The following COL28A1 variants were observed in gnomAD, a reference collection of about 807,000 sequenced individuals.
COL28A1 encodes the protein collagen type XXVIII alpha 1 chain.
A neutral mutation model predicts 150.2 loss-of-function variants in COL28A1; 161 were observed. The observed-to-expected ratio is 1.07, with a 90% CI of 0.94 to 1.22. COL28A1 has a LOEUF of 1.22. Ranked by LOEUF, COL28A1 falls within the 50% of genes most tolerant of loss-of-function variation. COL28A1 has a pLI of 0.00. For missense variants in COL28A1, 1,617 were observed against 1,388.3 expected (o/e 1.16, Z -2.62); for synonymous variants, 552 against 469.7 (o/e 1.18, Z -2.26).
intron 11 of COL28A1, among the ~76,000 whole-genome samples, chr7:7,500,178 T>C (rs1780441488): frequency 6.6e-6 from 1 of 152,204 alleles, no homozygotes; most frequent in Admixed American, 6.5e-5. Flanking sequence ...CCTTGACCCT[T>C]CTACTGAAAT....
In COL28A1 at chr7:7,427,608, C is replaced by A. The variant is rs75135489; in HGVS notation, c.1998+4865G>T. Reference sequence around the variant, plus strand: ...AGAGAACAGAGGGGCAATTCAGATGCTGGGAACATTTTTAGAATAATGATA... The same window carrying A: ...AGAGAACAGAGGGGCAATTCAGATGATGGGAACATTTTTAGAATAATGATA... On this transcript the variant is annotated intron_variant, in intron 25 of 34. Coordinates refer to ENST00000399429, the MANE Select transcript of COL28A1 (RefSeq NM_001037763.3). Among the ~76,000 whole-genome samples, 10 of 152,258 alleles carry A rather than the reference C, an allele frequency of 6.6e-5. No individual in the cohort carries two copies. In the East Asian group the frequency reaches 1.7e-3, roughly 26 times the overall value.
Position 7,374,038 on chromosome 7 carries a change from A to AATAT in COL28A1, c.2360-496_2360-493dup, listed in dbSNP as rs60964603. ...TACTTGACTCTTAAAAAAAAAAAAAAATATATATATATATATATATATACT... is the reference window on the plus strand; with the variant it reads ...TACTTGACTCTTAAAAAAAAAAAAAAATATATATATATATATATATATATATACT... On this transcript the variant is annotated intron_variant, in intron 31 of 34. Coordinates refer to ENST00000399429, the MANE Select transcript of COL28A1 (RefSeq NM_001037763.3). 2.9e-3 allele frequency among the ~76,000 whole-genome samples: 324 copies of AATAT among 113,592 alleles called. 2 individuals carry two copies. Among genetic ancestry groups the AATAT allele is most frequent in the South Asian group, 7.4e-3 (23 of 3,094 alleles). The allele number at this position is 113,592 out of a possible 152,430, so 74.5% of individuals were successfully genotyped here.
At chr7:7,357,288 G>C (rs973931476), downstream of COL28A1, among the ~76,000 whole-genome samples, 1 of 152,128 alleles carries the variant, frequency 6.6e-6, no homozygotes, top group African/African-American at 2.4e-5. Context: ...GACCTCAGGT[G>C]ATCCACCCAC....
At chr7:7,450,268 C>A (rs558184994) in intron 18 of COL28A1, among the ~76,000 whole-genome samples, 2 of 152,092 alleles carry the variant, frequency 1.3e-5, no homozygotes, top group South Asian at 4.2e-4. Context: ...AAATAAATTC[C>A]ATGTGGGTTA....
At chr7:7,362,963 C>T (rs543901555) in intron 33 of COL28A1, among the ~76,000 whole-genome samples, 5 of 152,114 alleles carry the variant, frequency 3.3e-5, no homozygotes, top group Non-Finnish European at 7.4e-5. Flanking sequence ...CTGAGCTCAG[C>T]ACCGAGTCCC....
the COL28A1 span, among the ~76,000 whole-genome samples, chr7:7,543,793 A>G: frequency 6.6e-6 from 1 of 151,144 alleles, no homozygotes. Context: ...ACAACATTTA[A>G]TAATATCTGC....
At position 7,477,553 on chromosome 7, in the gene COL28A1, A is replaced by G. The variant is rs115107880; in HGVS notation, c.1165-373T>C. On this transcript the variant is annotated intron_variant, in intron 13 of 34. Coordinates refer to ENST00000399429, the MANE Select transcript of COL28A1 (RefSeq NM_001037763.3). ...CGCGGACCCTCGCGGTGAGTGTCACAGTTCTAAAAGGCAGCGCGTCCAGAG... is the reference window on the plus strand; with the variant it reads ...CGCGGACCCTCGCGGTGAGTGTCACGGTTCTAAAAGGCAGCGCGTCCAGAG... Among the ~76,000 whole-genome samples the G allele has an allele frequency of 5.1e-3, 778 of 152,326 alleles. 6 individuals are homozygous for G. Among genetic ancestry groups the G allele is most frequent in the African/African-American group, 0.017 (705 of 41,580 alleles).
chr7:7,485,063 C>T (rs888740346), intron 13 of COL28A1, among the ~76,000 whole-genome samples: 3 of 152,076 alleles, frequency 2.0e-5, no homozygotes, highest in African/African-American at 7.2e-5. Context: ...ATCTCTACAC[C>T]AAACCCCTGT....
intron 15 of COL28A1, among the ~76,000 whole-genome samples, chr7:7,459,245 A>C (rs1562721996): frequency 1.3e-5 from 2 of 152,344 alleles, no homozygotes; most frequent in East Asian, 3.9e-4. Context: ...TGTTGTATTC[A>C]GTTCTCGCTG....
intron 3 of COL28A1, among the ~76,000 whole-genome samples, chr7:7,529,953 C>T (rs1583581385): frequency 6.6e-6 from 1 of 152,252 alleles, no homozygotes; most frequent in East Asian, 1.9e-4. Context: ...CTGGGCCCAT[C>T]AGCTCTATCT....
At chr7:7,359,794 G>A (rs1353958559) in intron 34 of COL28A1, among the ~76,000 whole-genome samples, 1 of 152,106 alleles carries the variant, frequency 6.6e-6, no homozygotes, top group African/African-American at 2.4e-5. Flanking sequence ...AAATGGAAAT[G>A]AGCCATAGAT....
chr7:7,406,208 A>T (rs964446248), intron 27 of COL28A1, among the ~76,000 whole-genome samples: 1 of 152,160 alleles, frequency 6.6e-6, no homozygotes, highest in Non-Finnish European at 1.5e-5. Flanking sequence ...TCACTTCACA[A>T]GTTTAGGGTT....
intron 27 of COL28A1, among the ~76,000 whole-genome samples, chr7:7,400,540 T>C (rs557577822): frequency 2.0e-5 from 3 of 152,280 alleles, no homozygotes; most frequent in Admixed American, 6.5e-5. Context: ...CGCATTCTCA[T>C]GTTTGGTGGG....
At chr7:7,485,073 T>C (rs1779549740) in intron 13 of COL28A1, among the ~76,000 whole-genome samples, 1 of 152,148 alleles carries the variant, frequency 6.6e-6, no homozygotes, top group Non-Finnish European at 1.5e-5. Context: ...CAAACCCCTG[T>C]GACATGCAAT....
chr7:7,369,496 G>T (rs777055590), intron 33 of COL28A1, among the ~76,000 whole-genome samples: 4 of 152,208 alleles, frequency 2.6e-5, no homozygotes, highest in African/African-American at 4.8e-5. Context: ...AGGGTTTGCT[G>T]ACACCTGGTA....
chr7:7,387,529 G>A (rs1235023643), intron 27 of COL28A1, among the ~76,000 whole-genome samples: 4 of 152,060 alleles, frequency 2.6e-5, no homozygotes, highest in Non-Finnish European at 5.9e-5. Flanking sequence ...GATGTATTAG[G>A]AGTAAATGGG....
chr7:7,506,061 T>TA lies in COL28A1; in HGVS notation c.978dup (p.Thr327TyrfsTer16), dbSNP rs1173195418. On this transcript the variant is annotated frameshift_variant, in exon 11 of 35. Transcript: ENST00000399429. LOFTEE classifies it high-confidence loss of function. Reference sequence around the variant, plus strand: ...GGGCCTGGGTCTCCTGGAGGTCCAGTAATTCCCTGCTCCAGGATGAAAACC... The same window carrying TA: ...GGGCCTGGGTCTCCTGGAGGTCCAGTAAATTCCCTGCTCCAGGATGAAAACC... 7.2e-7 allele frequency: 1 copy of TA among 1,392,542 alleles called. No individual in the cohort carries two copies. Among genetic ancestry groups the TA allele is most frequent in the Admixed American group, 1.7e-5 (1 of 59,772 alleles). The allele number at this position is 1,392,542 out of a possible 1,614,324, so 86.3% of individuals were successfully genotyped here.
chr7:7,372,398 AAAAT>A (rs3067784), intron 32 of COL28A1, among the ~76,000 whole-genome samples: 4,227 of 133,672 alleles, frequency 0.032, 109 homozygotes, highest in African/African-American at 0.077. Flanking sequence ...ACTCCGTCTC[AAAAT>A]AAATAAATAA....
At chr7:7,404,817 A>T (rs1391087140) in intron 27 of COL28A1, among the ~76,000 whole-genome samples, 1 of 152,152 alleles carries the variant, frequency 6.6e-6, no homozygotes. Context: ...TTTGCTTATG[A>T]TACATCCCAA....
Sources: gnomAD v4.1 joint callset for allele counts (sites outside exome capture counted in the v4.1 genomes callset) on GRCh38, gnomAD v4.1.1 for gene constraint, MANE v1.5 for transcripts, NCBI Gene and HGNC (gene_info 2026-07-23, HGNC 2026-07-21) for gene names.